Variants in IPO11 observed in about 807,000 individuals in gnomAD.
The protein encoded by IPO11 is importin-11.
Under a neutral mutation model 143.2 loss-of-function variants are expected in IPO11, and 66 were observed. The observed-to-expected ratio is 0.46, with a 90% CI of 0.38 to 0.57. IPO11 has a LOEUF of 0.57. IPO11 is among the 20% of genes least tolerant of loss of function. The pLI is 0.00. For missense variants in IPO11, 1,026 were observed against 1,141.0 expected (o/e 0.90, Z 1.45); for synonymous variants, 385 against 377.8 (o/e 1.02, Z -0.22).
Position 62,515,417 on chromosome 5 carries a change from A to T in IPO11, c.1812A>T (p.Gln604His), listed in dbSNP as rs1296699958. The T allele has an allele frequency of 6.2e-7, 1 of 1,610,840 alleles. No homozygotes were observed. Among genetic ancestry groups the T allele is most frequent in the Non-Finnish European group, 8.5e-7 (1 of 1,178,982 alleles). Reference sequence around the variant, plus strand: ...GACCATATGTGGGATGTTTGGTACAATATTTGCCCCTCCTTTGGAAGCAGA... The same window carrying T: ...GACCATATGTGGGATGTTTGGTACATTATTTGCCCCTCCTTTGGAAGCAGA... The part of the protein sequence containing the change: ...QIRPYVGCLV[Q>H]YLPLLWKQSE... The change falls in exon 20 of 30, where the codon CAA becomes CAT. Residue 604 changes from glutamine to histidine, a missense_variant. Gln to His is a conservative substitution (Grantham distance 24, BLOSUM62 0). Coordinates refer to ENST00000325324, the MANE Select transcript of IPO11 (RefSeq NM_016338.5).
rs1372302624 is a variant in IPO11, at chr5:62,566,816, AT to A, written c.2582+5564del. On this transcript the variant is annotated intron_variant, in intron 27 of 29. Transcript: ENST00000325324. Reference sequence around the variant, plus strand: ...AGTCACAATTAGAGTATAATTTTGAATTTTTGTCTGTGTAGTTTAAAAAGAA... The same window carrying A: ...AGTCACAATTAGAGTATAATTTTGAATTTTGTCTGTGTAGTTTAAAAAGAA... 2.0e-4 allele frequency among the ~76,000 whole-genome samples: 30 copies of A among 151,850 alleles called. 1 individual carries two copies. Among genetic ancestry groups the A allele is most frequent in the Admixed American group, 2.0e-3 (30 of 15,234 alleles).
intron 3 of IPO11, among the ~76,000 whole-genome samples, chr5:62,446,246 C>G (rs975115838): frequency 6.6e-6 from 1 of 152,140 alleles, no homozygotes; most frequent in African/African-American, 2.4e-5. Flanking sequence ...TGCAAAGACA[C>G]CTGTGTAACT....
At chr5:62,414,874 G>T (rs1195729828) in intron 1 of IPO11, among the ~76,000 whole-genome samples, 1 of 152,160 alleles carries the variant, frequency 6.6e-6, no homozygotes, top group East Asian at 1.9e-4. Context: ...AATCTGAGGT[G>T]ATCTTATGCT....
chr5:62,603,640 A>G (rs1336829653), intron 29 of IPO11, among the ~76,000 whole-genome samples: 1 of 152,232 alleles, frequency 6.6e-6, no homozygotes, highest in African/African-American at 2.4e-5. Flanking sequence ...TAAACACGCC[A>G]GTTCACCTAG....
At chr5:62,573,948 A>G (rs767753226) in intron 27 of IPO11, among the ~76,000 whole-genome samples, 2 of 152,190 alleles carry the variant, frequency 1.3e-5, no homozygotes, top group African/African-American at 4.8e-5. Flanking sequence ...TTCCTTCTGT[A>G]ACATCTCTGA....
intron 22 of IPO11, among the ~76,000 whole-genome samples, chr5:62,532,483 G>A (rs961227698): frequency 6.6e-6 from 1 of 152,008 alleles, no homozygotes; most frequent in African/African-American, 2.4e-5. Context: ...TCAGCCTCCC[G>A]AGTAGCTGGG....
intron 29 of IPO11, among the ~76,000 whole-genome samples, chr5:62,615,495 A>G (rs1269912483): frequency 1.3e-5 from 2 of 152,254 alleles, no homozygotes; most frequent in African/African-American, 2.4e-5. Context: ...CTTGTATGCC[A>G]TAAGTGTAGC....
chr5:62,598,492 C>CTCTCTCTCTTTCTTTCTTTCTT, intron 28 of IPO11, among the ~76,000 whole-genome samples: 1 of 2,774 alleles, frequency 3.6e-4, no homozygotes, highest in South Asian at 0.013. Flanking sequence ...CTCTCTCTCT[C>CTCTCTCTCTTTCTTTCTTTCTT]TCTTTCTTTC....
chr5:62,623,645 CTTTTTT>C (rs34547621), intron 29 of IPO11, among the ~76,000 whole-genome samples: 4 of 134,252 alleles, frequency 3.0e-5, no homozygotes, highest in East Asian at 2.2e-4. Flanking sequence ...TCTTCTTTTT[CTTTTTT>C]TTTTTTTTTT....
chr5:62,442,863 A>AGAAACAAAAC, intron 2 of IPO11, 120 bp from the exon 3 acceptor site: 1 of 467,828 alleles, frequency 2.1e-6, no homozygotes, highest in Non-Finnish European at 3.7e-6. Flanking sequence ...AAACTGTCTC[A>AGAAACAAAAC]AAAACAAAAC....
At chr5:62,439,279 C>T (rs572143495) in intron 2 of IPO11, among the ~76,000 whole-genome samples, 35 of 141,834 alleles carry the variant, frequency 2.5e-4, no homozygotes, top group South Asian at 4.5e-4. Flanking sequence ...ATACTAACTG[C>T]GTAGGTTTTT....
chr5:62,537,183 T>A, intron 23 of IPO11, 26 bp from the exon 24 acceptor site: 1 of 1,358,632 alleles, frequency 7.4e-7, no homozygotes, highest in Non-Finnish European at 1.0e-6. Flanking sequence ...TATTCTTACA[T>A]ATATTGACTT....
At chr5:62,526,866 A>G (rs1274108150) in intron 21 of IPO11, 1 of 152,150 alleles carries the variant, frequency 6.6e-6, no homozygotes, top group Non-Finnish European at 1.5e-5. Flanking sequence ...TCAATAATAC[A>G]TGAAAAGTTT....
chr5:62,464,278 C>G (rs1467998529), intron 5 of IPO11, among the ~76,000 whole-genome samples: 1 of 149,838 alleles, frequency 6.7e-6, no homozygotes, highest in Non-Finnish European at 1.5e-5. Context: ...GTAGCTGGGA[C>G]TACAGACGTG....
intron 19 of IPO11, among the ~76,000 whole-genome samples, chr5:62,507,237 C>A (rs1352345352): frequency 6.6e-6 from 1 of 152,116 alleles, no homozygotes; most frequent in Non-Finnish European, 1.5e-5. Context: ...ATGGCACTGC[C>A]AGTACTTTAA....
intron 1 of IPO11, among the ~76,000 whole-genome samples, chr5:62,426,554 G>A (rs1340910321): frequency 2.6e-5 from 4 of 152,150 alleles, no homozygotes; most frequent in African/African-American, 9.7e-5. Context: ...TGTTTGAGAA[G>A]TTGGGATGTT....
intron 9 of IPO11, among the ~76,000 whole-genome samples, chr5:62,480,439 A>G (rs552801420): frequency 6.6e-6 from 1 of 151,992 alleles, no homozygotes; most frequent in South Asian, 2.1e-4. Flanking sequence ...TTTGGTTCCA[A>G]ATGAACTTTA....
At chr5:62,416,243 C>T (rs577179253) in intron 1 of IPO11, among the ~76,000 whole-genome samples, 5 of 143,118 alleles carry the variant, frequency 3.5e-5, no homozygotes, top group Admixed American at 3.0e-4. Flanking sequence ...AGTGCAGTGG[C>T]CCGCTCTCAG....
At position 62,454,651 on chromosome 5, in the gene IPO11, G is replaced by A. The variant is rs561531301; in HGVS notation, c.516+2718G>A. ...CTAGTTCTTCTCCATATAGAAAGAA[G>A]TATATGCTTAATTAGCATCTTGTAG... On this transcript the variant is annotated intron_variant, in intron 5 of 29. Transcript: ENST00000325324. Among the ~76,000 whole-genome samples, 10 of 152,242 alleles carry A rather than the reference G, an allele frequency of 6.6e-5. No homozygotes were observed. The South Asian group carries it at 1.0e-3, about 16-fold the overall frequency.
Sources: allele counts gnomAD v4.1 joint callset (sites outside exome capture counted in the v4.1 genomes callset), GRCh38; gene constraint gnomAD v4.1.1; transcripts MANE v1.5; gene names NCBI Gene and HGNC (gene_info 2026-07-23, HGNC 2026-07-21).